Variants in ZNF423 observed in about 807,000 individuals in gnomAD.
ZNF423 encodes the protein zinc finger protein 423, also known as Ebf-associated zinc finger protein.
ZNF423 carries 12 observed loss-of-function variants against 95.8 expected under a neutral mutation model. The ratio of observed to expected loss-of-function variants is 0.13; its 90% CI spans 0.08 to 0.20. ZNF423 has a LOEUF of 0.20. Ranked by LOEUF, ZNF423 falls within the 10% of genes least tolerant of loss-of-function variation. The pLI is 1.00. For missense variants in ZNF423, 1,316 were observed against 1,737.1 expected, an observed-to-expected ratio of 0.76 and a Z score of 4.31; for synonymous variants, 749 against 711.9, an observed-to-expected ratio of 1.05 and a Z score of -0.83.
At chr16:49,792,528 C>A (rs373773061) in intron 1 of ZNF423, among the ~76,000 whole-genome samples, 2 of 152,214 alleles carry the variant, frequency 1.3e-5, no homozygotes, top group African/African-American at 4.8e-5. Flanking sequence ...TCACTGCAAG[C>A]AGCCGCATGA....
At chr16:49,563,519 CACA>C (rs1309538862) in intron 5 of ZNF423, among the ~76,000 whole-genome samples, 1 of 152,238 alleles carries the variant, frequency 6.6e-6, no homozygotes, top group African/African-American at 2.4e-5. Context: ...ACTTAATCTT[CACA>C]ACAACTCTCT....
At chr16:49,591,278 T>C (rs1195464547) in intron 5 of ZNF423, among the ~76,000 whole-genome samples, 1 of 149,172 alleles carries the variant, frequency 6.7e-6, no homozygotes, top group Non-Finnish European at 1.5e-5. Context: ...AGCAAACAAG[T>C]GTGCAAAAAC....
intron 7 of ZNF423, among the ~76,000 whole-genome samples, chr16:49,511,852 G>T (rs1300210277): frequency 6.6e-6 from 1 of 152,142 alleles, no homozygotes; most frequent in Non-Finnish European, 1.5e-5. Flanking sequence ...CCAAGGCTTA[G>T]AGACACAGAC....
chr16:49,499,948 C>T (rs761126103), intron 7 of ZNF423, among the ~76,000 whole-genome samples: 6 of 152,136 alleles, frequency 3.9e-5, no homozygotes, highest in Admixed American at 6.5e-5. Flanking sequence ...ATAATACCTG[C>T]CTGGAGGGAC....
intron 1 of ZNF423, among the ~76,000 whole-genome samples, chr16:49,830,059 A>G (rs1322703251): frequency 6.6e-6 from 1 of 152,150 alleles, no homozygotes; most frequent in South Asian, 2.1e-4. Context: ...ACATCAATAA[A>G]TTCCTACTGA....
chr16:49,725,166 T>C (rs938927537), intron 3 of ZNF423, among the ~76,000 whole-genome samples: 2 of 152,174 alleles, frequency 1.3e-5, no homozygotes. Context: ...GAGGATTGCC[T>C]GAGGCCAGGA....
intron 3 of ZNF423, chr16:49,712,011 C>T (rs2032557522): frequency 6.6e-6 from 1 of 151,832 alleles, no homozygotes; most frequent in South Asian, 2.1e-4. Context: ...CAGTCCCAGA[C>T]ACCTGGGAGG....
chr16:49,653,308 C>T (rs1973484675), intron 3 of ZNF423, among the ~76,000 whole-genome samples: 2 of 86,562 alleles, frequency 2.3e-5, no homozygotes, highest in African/African-American at 9.6e-5. Flanking sequence ...CCCCAAGAAC[C>T]ACCAAAAAAA....
intron 1 of ZNF423, among the ~76,000 whole-genome samples, chr16:49,832,247 A>T (rs1210299918): frequency 6.6e-6 from 1 of 152,070 alleles, no homozygotes; most frequent in African/African-American, 2.4e-5. Context: ...AGATTCCAAA[A>T]TCGGGCCAAG....
Position 49,492,010 on chromosome 16 carries a change from G to A in ZNF423, c.3850-706C>T, listed in dbSNP as rs1966992995. Among the ~76,000 whole-genome samples, 1 of 152,154 alleles carries A rather than the reference G, an allele frequency of 6.6e-6. No individual in the cohort carries two copies. On this transcript the variant is annotated intron_variant, in intron 7 of 7. Transcript: ENST00000563137. This position sits in a 1 kb window ranked among gnomAD's most constrained non-coding sequence, Gnocchi z 4.2. ...TGGCCGAATGCACCTAGGAATCCAG[G>A]GCCCAGGTGGGACCCTGTGGCCAAA...
chr16:49,643,281 C>T (rs1326501775), intron 3 of ZNF423, among the ~76,000 whole-genome samples: 2 of 152,118 alleles, frequency 1.3e-5, no homozygotes, highest in African/African-American at 4.8e-5. Context: ...CCTGTTCAGT[C>T]GCTACATTTT....
rs552990666 is a variant in ZNF423, at chr16:49,812,059, G to A, written c.41-22513C>T. 7.7e-4 allele frequency among the ~76,000 whole-genome samples: 118 copies of A among 152,350 alleles called. 1 individual carries two copies. Among genetic ancestry groups the A allele is most frequent in the East Asian group, 1.9e-3 (10 of 5,186 alleles). ...CACAATCAAAACTCCGCTGAGCACC[G>A]GTGACTAGGCGGGGTGCTCCACACA... On this transcript the variant is annotated intron_variant, in intron 1 of 7. Transcript: ENST00000563137.
chr16:49,725,594 G>A (rs929110254), intron 3 of ZNF423, among the ~76,000 whole-genome samples: 7 of 152,140 alleles, frequency 4.6e-5, no homozygotes, highest in Non-Finnish European at 7.4e-5. Flanking sequence ...TGAGAAACAC[G>A]TGAAAGACAA....
rs1180895797 is a variant in ZNF423, at chr16:49,722,782, A to T, written c.301+7989T>A. On this transcript the variant is annotated intron_variant, in intron 3 of 7. Transcript: ENST00000563137. The stretch of plus-strand genomic sequence containing the variant: ...ATGTGTTCTAGCCACAGGCCAAAGC[A>T]ATCCTGCGGAGAGGGAAGAGAATAA... 2.0e-5 allele frequency among the ~76,000 whole-genome samples: 3 copies of T among 152,284 alleles called. No individual in the cohort carries two copies. The South Asian group carries it at 6.2e-4, about 32-fold the overall frequency.
chr16:49,702,815 C>T (rs571517267), intron 3 of ZNF423, among the ~76,000 whole-genome samples: 6 of 152,328 alleles, frequency 3.9e-5, no homozygotes, highest in Non-Finnish European at 7.4e-5. Context: ...CAGCCCCACA[C>T]GCTTCCAAGC....
chr16:49,551,494 C>T (rs1039927464), intron 5 of ZNF423, among the ~76,000 whole-genome samples: 2 of 152,168 alleles, frequency 1.3e-5, no homozygotes, highest in Non-Finnish European at 1.5e-5. Context: ...ACTAGAAAAA[C>T]AATCCCTCAG....
At chr16:49,707,524 G>T (rs1316003634) in intron 3 of ZNF423, among the ~76,000 whole-genome samples, 1 of 151,680 alleles carries the variant, frequency 6.6e-6, no homozygotes, top group East Asian at 1.9e-4. Context: ...GGCTGAGGCA[G>T]GAGAATCATT....
chr16:49,601,153 A>G (rs1050907242), intron 5 of ZNF423, among the ~76,000 whole-genome samples: 1 of 152,180 alleles, frequency 6.6e-6, no homozygotes, highest in East Asian at 1.9e-4. Context: ...AGGGTCTCCT[A>G]GAGAACCCGG....
chr16:49,827,438 G>A (rs188752879), intron 1 of ZNF423, among the ~76,000 whole-genome samples: 1 of 152,156 alleles, frequency 6.6e-6, no homozygotes, highest in Admixed American at 6.5e-5. Context: ...CACTGCAGCA[G>A]CAAGAACCCT....
Sources: gnomAD v4.1 joint callset for allele counts (sites outside exome capture counted in the v4.1 genomes callset) on GRCh38, gnomAD v4.1.1 for gene constraint, Gnocchi (gnomAD v3.1) non-coding constraint, MANE v1.5 for transcripts, NCBI Gene and HGNC (gene_info 2026-07-23, HGNC 2026-07-21) for gene names.